Variants in LRSAM1 observed in about 807,000 individuals in gnomAD.
LRSAM1 encodes E3 ubiquitin-protein ligase LRSAM1.
LRSAM1 carries 96 observed loss-of-function variants against 118.1 expected under a neutral mutation model. That is an observed-to-expected ratio of 0.81 (90% confidence interval 0.69 to 0.96). The LOEUF (loss-of-function observed/expected upper bound fraction) is 0.96. Ranked by LOEUF, LRSAM1 falls within the 40% of genes least tolerant of loss-of-function variation. The pLI, the probability that LRSAM1 is intolerant of heterozygous loss-of-function variation, is 0.00. For synonymous variants in LRSAM1, 322 were observed against 364.2 expected, an observed-to-expected ratio of 0.88 and a Z score of 1.32; for missense variants, 804 against 915.5, an observed-to-expected ratio of 0.88 and a Z score of 1.57.
intron 2 of LRSAM1, chr9:127,452,322 G>C (rs1207194295): frequency 6.7e-6 from 1 of 148,930 alleles, no homozygotes; most frequent in Non-Finnish European, 1.5e-5. Flanking sequence ...CATCAGGGAC[G>C]GATGGGGGAG....
intron 10 of LRSAM1, among the ~76,000 whole-genome samples, chr9:127,472,812 G>A (rs1835222364): frequency 6.6e-6 from 1 of 152,164 alleles, no homozygotes; most frequent in Non-Finnish European, 1.5e-5. Context: ...AGGATTTCAT[G>A]TGGTGGCACC....
intron 9 of LRSAM1, 124 bp downstream of exon 9, chr9:127,462,497 G>C: frequency 6.7e-7 from 1 of 1,482,586 alleles, no homozygotes; most frequent in Non-Finnish European, 9.4e-7. Context: ...CCAAGGCATG[G>C]TCCTTGGAGG....
intron 22 of LRSAM1, 98 bp downstream of exon 22, chr9:127,495,516 T>C (rs1836099125): frequency 2.0e-6 from 2 of 992,796 alleles, no homozygotes; most frequent in East Asian, 2.5e-5. Flanking sequence ...CTTGTTACTT[T>C]TCTGGTGACT....
At position 127,502,818 on chromosome 9, in the gene LRSAM1, G is replaced by A. The variant is rs765187770; in HGVS notation, c.2091G>A (p.Gln697=). 6.2e-7 allele frequency: 1 copy of A among 1,611,282 alleles called. No homozygotes were observed. The highest frequency in any genetic ancestry group is 1.1e-5 in the South Asian group (1 of 90,960). Residue 697 remains glutamine (Q), a synonymous_variant, in exon 26 of 26, where the codon CAG becomes CAA. Coordinates refer to ENST00000300417, the MANE Select transcript of LRSAM1 (RefSeq NM_001005373.4). ...FLNCGHVCCC[Q]QCCQPLRTCP... ...ACTGTGGCCACGTCTGCTGCTGCCA[G>A]CAGTGCTGCCAGCCACTGCGCACCT...
rs755070977 is a variant in LRSAM1 at position 127,487,715 on chromosome 9, G to T, written c.1299G>T (p.Ser433=). The change falls in exon 18 of 26, where the codon TCG becomes TCT. Residue 433 remains serine, a synonymous_variant. Transcript: ENST00000300417. Reference sequence around the variant, plus strand: ...ATGAACGATTCCAGCAGATTCTGTCGTGGCAGCAAATGGATCAGAACAAAG... The same window carrying T: ...ATGAACGATTCCAGCAGATTCTGTCTTGGCAGCAAATGGATCAGAACAAAG... ...EMDERFQQIL[S]WQQMDQNKAI... is the part of the protein sequence containing the mutation. 7 of 1,613,654 alleles carry T rather than the reference G, an allele frequency of 4.3e-6. No individual in the cohort carries two copies. The highest frequency in any genetic ancestry group is 5.9e-6 in the Non-Finnish European group (7 of 1,179,908).
chr9:127,455,091 T>C, intron 4 of LRSAM1, 37 bp downstream of exon 4: 1 of 1,604,718 alleles, frequency 6.2e-7, no homozygotes. Flanking sequence ...GAATTGGATC[T>C]GTCCCGTTTT....
chr9:127,461,616 C>T (rs1291694158), intron 8 of LRSAM1, among the ~76,000 whole-genome samples: 6 of 152,234 alleles, frequency 3.9e-5, no homozygotes, highest in Admixed American at 6.5e-5. Context: ...CCTCCAGCGA[C>T]GCACCAAGCC....
At chr9:127,479,648 C>G in intron 13 of LRSAM1, 143 bp downstream of exon 13, 1 of 1,392,706 alleles carries the variant, frequency 7.2e-7, no homozygotes, top group East Asian at 2.5e-5. Context: ...TGGGAGGGCC[C>G]TTACAGATCA....
Position 127,455,058 on chromosome 9 carries a change from A to G in LRSAM1, c.129+4A>G, listed in dbSNP as rs1210429424. ...CTCTAAATGTGAGCTCTCAGAGGTA[A>G]ACTGAGGATAGTGTTGGGCTGTGAA... On this transcript the variant is annotated splice_donor_region_variant and intron_variant, in intron 4 of 25. Transcript: ENST00000300417. 1.2e-6 allele frequency: 2 copies of G among 1,613,690 alleles called. No individual in the cohort carries two copies. The highest frequency in any genetic ancestry group is 2.7e-5 in the African/African-American group (2 of 74,912).
Position 127,465,407 on chromosome 9 carries a change from A to C in LRSAM1, c.529-2333A>C, listed in dbSNP as rs1280429131. 6.6e-6 allele frequency among the ~76,000 whole-genome samples: 1 copy of C among 152,190 alleles called. No homozygotes were observed. Among genetic ancestry groups the C allele is most frequent in the Non-Finnish European group, 1.5e-5 (1 of 68,038 alleles). On this transcript the variant is annotated intron_variant, in intron 9 of 25. Transcript: ENST00000300417. This position sits in a 1 kb window ranked among gnomAD's most constrained non-coding sequence, Gnocchi z 4.1. ...TTTATTTTCAGTTACTTAAAATGTAACCATAAATGGCCACACATGGCTTGT... is the reference window on the plus strand; with the variant it reads ...TTTATTTTCAGTTACTTAAAATGTACCCATAAATGGCCACACATGGCTTGT...
At chr9:127,485,375 G>C (rs572624291) in intron 16 of LRSAM1, among the ~76,000 whole-genome samples, 1 of 152,100 alleles carries the variant, frequency 6.6e-6, no homozygotes, top group East Asian at 2.0e-4. Context: ...GGCTAACACA[G>C]TGAAACCCTG....
At position 127,489,459 on chromosome 9, in the gene LRSAM1, G is replaced by T; in HGVS notation, c.1363G>T (p.Ala455Ser). 1.2e-6 allele frequency: 2 copies of T among 1,608,980 alleles called. No homozygotes were observed. Among genetic ancestry groups the T allele is most frequent in the Non-Finnish European group, 8.5e-7 (1 of 1,178,390 alleles). Residue 455 changes from alanine to serine, a missense_variant, in exon 19 of 26, where the codon GCT becomes TCT. Physicochemically the swap from Ala to Ser is moderately conservative, Grantham distance 99. Coordinates refer to ENST00000300417, the MANE Select transcript of LRSAM1 (RefSeq NM_001005373.4). The stretch of plus-strand genomic sequence containing the variant: ...TGTGTTGCAGAGCGCGATGCAGAAG[G>T]CTGCGTTCGAGGCACTCCAGGTGAA... ...QILQESAMQK[A>S]AFEALQVKKD... is the part of the protein sequence containing the mutation.
chr9:127,465,022 G>C lies in LRSAM1; in HGVS notation c.528+2649G>C, dbSNP rs1291417699. Among the ~76,000 whole-genome samples, 1 of 152,006 alleles carries C rather than the reference G, an allele frequency of 6.6e-6. No individual in the cohort carries two copies. Among genetic ancestry groups the C allele is most frequent in the Admixed American group, 6.6e-5 (1 of 15,244 alleles). The stretch of plus-strand genomic sequence containing the variant: ...GGCACCTCGGACAAACCTTCTTTTA[G>C]GATGAGATAACCGTTCTGAGTTCAG... On this transcript the variant is annotated intron_variant, in intron 9 of 25. Coordinates refer to ENST00000300417, the MANE Select transcript of LRSAM1 (RefSeq NM_001005373.4). The surrounding 1 kb of genome is among the most constrained non-coding windows in gnomAD (Gnocchi z 4.1).
chr9:127,485,037 A>G (rs1289979677), intron 16 of LRSAM1, among the ~76,000 whole-genome samples: 1 of 151,426 alleles, frequency 6.6e-6, no homozygotes, highest in East Asian at 1.9e-4. Context: ...CGAACTCCTG[A>G]CCTCCGGTGA....
At chr9:127,462,038 C>T (rs1834766779) in intron 8 of LRSAM1, among the ~76,000 whole-genome samples, 1 of 152,190 alleles carries the variant, frequency 6.6e-6, no homozygotes, top group Non-Finnish European at 1.5e-5. Flanking sequence ...AGAAAACTGG[C>T]ACAAGGAGGC....
At chr9:127,501,659 GA>G (rs1836399158) in intron 25 of LRSAM1, among the ~76,000 whole-genome samples, 1 of 152,266 alleles carries the variant, frequency 6.6e-6, no homozygotes, top group East Asian at 1.9e-4. Context: ...TTGAACCCGG[GA>G]GGCAGAGATT....
rs547571500 is a variant in LRSAM1, at chr9:127,469,013, TC to T, written c.619+1185del. 1.3e-3 allele frequency among the ~76,000 whole-genome samples: 200 copies of T among 151,992 alleles called. 2 individuals carry two copies. Among genetic ancestry groups the T allele is most frequent in the Non-Finnish European group, 1.7e-3 (118 of 68,000 alleles). ...GTTTAATTAAAATCAAAATGTCTCT[TC>T]CTCAAAAGATACCATTTAGGGAAAG... On this transcript the variant is annotated intron_variant, in intron 10 of 25. Coordinates refer to ENST00000300417, the MANE Select transcript of LRSAM1 (RefSeq NM_001005373.4).
chr9:127,499,862 T>C (rs1588141664), intron 24 of LRSAM1, among the ~76,000 whole-genome samples: 1 of 150,436 alleles, frequency 6.6e-6, no homozygotes, highest in Non-Finnish European at 1.5e-5. Flanking sequence ...GAGGCGGAGG[T>C]TGCAGTGAGC....
At chr9:127,467,872 T>G in intron 10 of LRSAM1, 42 bp downstream of exon 10, 2 of 1,534,002 alleles carry the variant, frequency 1.3e-6, no homozygotes, top group African/African-American at 2.7e-5. Context: ...TGAGGAACTA[T>G]GACCCCCATG....
Sources: allele counts gnomAD v4.1 joint callset (sites outside exome capture counted in the v4.1 genomes callset), GRCh38; gene constraint gnomAD v4.1.1; non-coding constraint Gnocchi (gnomAD v3.1); transcripts MANE v1.5; gene names NCBI Gene and HGNC (gene_info 2026-07-23, HGNC 2026-07-21).